MAT2A: variants seen among roughly 807,000 people sequenced by gnomAD.
MAT2A encodes methionine adenosyltransferase 2A, also known as S-adenosylmethionine synthase isoform type-2.
In MAT2A, 3 loss-of-function variants were observed where a neutral mutation model predicts 43.9. The ratio of observed to expected loss-of-function variants is 0.07; its 90% CI spans 0.03 to 0.18. MAT2A has a LOEUF of 0.18. MAT2A is among the 10% of genes least tolerant of loss of function. The probability of loss-of-function intolerance (pLI) is 1.00; values close to 1 mark genes in which losing one functional copy is unlikely to be tolerated. For missense variants in MAT2A, 204 were observed against 489.0 expected (o/e 0.42, Z 5.50); for synonymous variants, 200 against 168.4 (o/e 1.19, Z -1.45).
chr2:85,543,694 T>G lies in MAT2A; in HGVS notation c.1110T>G (p.Ile370Met), dbSNP rs141157197. 2.5e-6 allele frequency: 4 copies of G among 1,612,026 alleles called. No individual in the cohort carries two copies. Among genetic ancestry groups the G allele is most frequent in the Non-Finnish European group, 3.4e-6 (4 of 1,178,446 alleles). Residue 370 changes from isoleucine (I) to methionine (M), a missense_variant, in exon 9 of 9, where the codon ATT becomes ATG. Coordinates refer to ENST00000306434, the MANE Select transcript of MAT2A (RefSeq NM_005911.6). ...IVRDLDLKKPIYQRTAAYGHF... is the reference protein window; with the variant it reads ...IVRDLDLKKPMYQRTAAYGHF... ...GGGATCTGGATCTGAAGAAGCCAATTTATCAGAGGACTGCAGCCTATGGCC... is the reference window on the plus strand; with the variant it reads ...GGGATCTGGATCTGAAGAAGCCAATGTATCAGAGGACTGCAGCCTATGGCC...
Position 85,541,918 on chromosome 2 carries a change from A to G in MAT2A, c.495A>G (p.Ala165=). The G allele has an allele frequency of 6.2e-7, 1 of 1,614,270 alleles. No individual in the cohort carries two copies. Among genetic ancestry groups the G allele is most frequent in the African/African-American group, 1.3e-5 (1 of 75,080 alleles). ...VLAHKLNAKL[A]ELRRNGTLPW... is the part of the protein sequence containing the mutation. Reference sequence around the variant, plus strand: ...CACACAAGCTAAATGCCAAACTGGCAGAACTACGCCGTAATGGCACTTTGC... The same window carrying G: ...CACACAAGCTAAATGCCAAACTGGCGGAACTACGCCGTAATGGCACTTTGC... Residue 165 remains alanine (A), a synonymous_variant, in exon 5 of 9, where the codon GCA becomes GCG. Transcript: ENST00000306434.
intron 5 of MAT2A, 58 bp downstream of exon 5, chr2:85,542,030 A>G (rs756924238): frequency 1.3e-5 from 21 of 1,595,954 alleles, no homozygotes; most frequent in Non-Finnish European, 1.8e-5. Context: ...CAGAAGATCC[A>G]TAATTTTGAT....
intron 1 of MAT2A, 66 bp from the exon 2 acceptor site, chr2:85,541,017 T>TTG (rs1691463204): frequency 9.9e-7 from 1 of 1,010,260 alleles, no homozygotes; most frequent in African/African-American, 1.6e-5. Flanking sequence ...GGGAGGGAGC[T>TTG]TGCATACATA....
intron 1 of MAT2A, among the ~76,000 whole-genome samples, chr2:85,540,873 A>G (rs1201357254): frequency 6.6e-6 from 1 of 152,198 alleles, no homozygotes; most frequent in Non-Finnish European, 1.5e-5. Flanking sequence ...AGGATATAGG[A>G]CTAACAGTTC....
rs2103911584 is a variant in MAT2A at position 85,539,241 on chromosome 2, C to T, written c.-47C>T. On this transcript the variant is annotated 5_prime_UTR_variant, in exon 1 of 9. Coordinates refer to ENST00000306434, the MANE Select transcript of MAT2A (RefSeq NM_005911.6). ...TTGCGCATTTCGCAGCCGCTGCCGC[C>T]TCGCCGCTGCTCCTTCGTAAGGCCA... is the stretch of plus-strand genomic sequence containing the variant. 7.1e-7 allele frequency: 1 copy of T among 1,401,820 alleles called. No individual in the cohort carries two copies. Among genetic ancestry groups the T allele is most frequent in the Non-Finnish European group, 9.9e-7 (1 of 1,006,630 alleles). The allele number at this position is 1,401,820 out of a possible 1,614,324, so 86.8% of individuals were successfully genotyped here.
chr2:85,539,483 T>G, intron 1 of MAT2A, 105 bp downstream of exon 1: 1 of 826,974 alleles, frequency 1.2e-6, no homozygotes, highest in East Asian at 3.4e-5. Context: ...GTCGTCCTCG[T>G]CCGCCGGGTG....
chr2:85,542,799 A>G lies in MAT2A; in HGVS notation c.951+52A>G, dbSNP rs1381205087. On this transcript the variant is annotated intron_variant, in intron 7 of 8. Coordinates refer to ENST00000306434, the MANE Select transcript of MAT2A (RefSeq NM_005911.6). ...TTAAAAGTCATGTAAGTGGGAGGGT[A>G]TTTAGTAGTAATCTACTTAACTACT... 2.6e-6 allele frequency: 4 copies of G among 1,553,172 alleles called. No individual in the cohort carries two copies. The African/African-American group carries it at 5.5e-5, about 21-fold the overall frequency.
intron 1 of MAT2A, 35 bp from the exon 2 acceptor site, chr2:85,541,048 T>A: frequency 6.6e-7 from 1 of 1,510,890 alleles, no homozygotes; most frequent in Non-Finnish European, 9.1e-7. Context: ...TTGTTTAAAG[T>A]TAAAGAAACT....
At chr2:85,542,407 T>C in intron 6 of MAT2A, 34 bp downstream of exon 6, 1 of 1,599,344 alleles carries the variant, frequency 6.3e-7, no homozygotes, top group Non-Finnish European at 8.6e-7. Context: ...TCTGGATTTT[T>C]GATGGTTACT....
chr2:85,542,059 A>G (rs1426682879), intron 5 of MAT2A, 87 bp downstream of exon 5: 1 of 1,587,238 alleles, frequency 6.3e-7, no homozygotes, highest in East Asian at 2.2e-5. Flanking sequence ...ACTGGAAAAA[A>G]TAGCATTTGT....
chr2:85,539,569 C>A, intron 1 of MAT2A, 191 bp downstream of exon 1: 1 of 480,764 alleles, frequency 2.1e-6, no homozygotes. Context: ...CCTCTTCCCC[C>A]TCCCCTCTCC....
chr2:85,543,073 G>A (rs770177095), intron 8 of MAT2A, 39 bp downstream of exon 8: 10 of 1,602,840 alleles, frequency 6.2e-6, no homozygotes, highest in Non-Finnish European at 8.5e-6. Flanking sequence ...AAGTATTGAG[G>A]GTGTTGGGTG....
intron 7 of MAT2A, 76 bp from the exon 8 acceptor site, chr2:85,542,825 T>C: frequency 3.8e-6 from 6 of 1,561,540 alleles, no homozygotes; most frequent in Non-Finnish European, 5.2e-6. Context: ...CTTAACTACT[T>C]GTTTTATACC....
Position 85,543,026 on chromosome 2 carries a change from C to G in MAT2A, c.1077C>G (p.Val359=). 1 of 1,612,086 alleles carries G rather than the reference C, an allele frequency of 6.2e-7. No homozygotes were observed. The highest frequency in any genetic ancestry group is 8.5e-7 in the Non-Finnish European group (1 of 1,179,762). ...AGAATTTCGATCTCCGCCCTGGGGT[C>G]ATTGTCAGGTAAAGATGGTAAAGCC... The part of the protein sequence containing the change: ...VKKNFDLRPG[V]IVRDLDLKKP... The change falls in exon 8 of 9, where the codon GTC becomes GTG. Residue 359 remains valine, a synonymous_variant. Coordinates refer to ENST00000306434, the MANE Select transcript of MAT2A (RefSeq NM_005911.6).
intron 8 of MAT2A, 101 bp from the exon 9 acceptor site, chr2:85,543,569 G>A (rs1161866872): frequency 1.3e-6 from 1 of 749,022 alleles, no homozygotes; most frequent in Admixed American, 2.8e-5. Flanking sequence ...GCATATCCCA[G>A]AGAACTCATT....
chr2:85,542,976 A>G lies in MAT2A; in HGVS notation c.1027A>G (p.Arg343Gly), dbSNP rs750105786. 171 of 1,613,630 alleles carry G rather than the reference A, an allele frequency of 1.1e-4. No homozygotes were observed. Among genetic ancestry groups the G allele is most frequent in the Middle Eastern group, 5.2e-4 (3 of 5,800 alleles). Residue 343 changes from arginine to glycine, a missense_variant, in exon 8 of 9, where the codon AGA (arginine) becomes GGA (glycine). By Grantham distance (125) the Arg-to-Gly change is moderately radical. Transcript: ENST00000306434. ...TTATGGTACCTCTCAGAAGAGTGAGAGAGAGCTATTAGAGATTGTGAAGAA... is the reference window on the plus strand; with the variant it reads ...TTATGGTACCTCTCAGAAGAGTGAGGGAGAGCTATTAGAGATTGTGAAGAA... ...FHYGTSQKSE[R>G]ELLEIVKKNF...
At chr2:85,542,079 T>A (rs1422154282) in intron 5 of MAT2A, 76 bp from the exon 6 acceptor site, 1 of 1,583,122 alleles carries the variant, frequency 6.3e-7, no homozygotes, top group Non-Finnish European at 8.7e-7. Flanking sequence ...TTTTCCTATA[T>A]TGTAACTTCA....
Position 85,544,033 on chromosome 2 carries a change from C to T in MAT2A, c.*261C>T. On this transcript the variant is annotated 3_prime_UTR_variant, in exon 9 of 9. Coordinates refer to ENST00000306434, the MANE Select transcript of MAT2A (RefSeq NM_005911.6). ...GATCCATGTAACTGCCTAGAAACAACACTGTAGTAAATAATGCTTTGAAAT... is the reference window on the plus strand; with the variant it reads ...GATCCATGTAACTGCCTAGAAACAATACTGTAGTAAATAATGCTTTGAAAT... The T allele has an allele frequency of 3.2e-6, 1 of 311,958 alleles. No individual in the cohort carries two copies. Among genetic ancestry groups the T allele is most frequent in the Non-Finnish European group, 6.0e-6 (1 of 167,282 alleles). The allele number at this position is 311,958 out of a possible 1,614,324, so 19.3% of individuals were successfully genotyped here.
chr2:85,542,787 A>G (rs1039946954), intron 7 of MAT2A, 40 bp downstream of exon 7: 1 of 1,564,510 alleles, frequency 6.4e-7, no homozygotes, highest in Non-Finnish European at 8.7e-7. Flanking sequence ...AAAGTCATGT[A>G]AGTGGGAGGG....
Sources: allele counts gnomAD v4.1 joint callset (sites outside exome capture counted in the v4.1 genomes callset), GRCh38; gene constraint gnomAD v4.1.1; transcripts MANE v1.5; gene names NCBI Gene and HGNC (gene_info 2026-07-23, HGNC 2026-07-21).